Variants in ZBTB41 observed in about 807,000 individuals in gnomAD.
ZBTB41 encodes zinc finger and BTB domain containing 41.
Under a neutral mutation model 87.6 loss-of-function variants are expected in ZBTB41, and 42 were observed. That is an observed-to-expected ratio of 0.48 (90% CI 0.37 to 0.62). The LOEUF is 0.62. Among genes scored for constraint, ZBTB41 ranks in the 20% least tolerant of loss-of-function variants. ZBTB41 has a pLI of 0.00. For missense variants in ZBTB41, 799 were observed against 1,078.9 expected, an observed-to-expected ratio of 0.74 and a Z score of 3.63; for synonymous variants, 364 against 364.0, an observed-to-expected ratio of 1.00 and a Z score of 0.00.
chr1:197,192,986 A>G (rs1238007881), intron 2 of ZBTB41, among the ~76,000 whole-genome samples: 1 of 152,198 alleles, frequency 6.6e-6, no homozygotes, highest in Non-Finnish European at 1.5e-5. Context: ...CCTTAAGGTA[A>G]GGGAAGAATG....
chr1:197,175,775 G>A (rs570632666), intron 8 of ZBTB41, among the ~76,000 whole-genome samples: 13 of 151,784 alleles, frequency 8.6e-5, no homozygotes, highest in Admixed American at 7.2e-4. Flanking sequence ...AAAATAAAAA[G>A]GCATAATTCC....
In ZBTB41 at chr1:197,156,243, A is replaced by G. The variant is rs1420979871; in HGVS notation, c.*3116T>C. 2 of 152,050 alleles carry G rather than the reference A, an allele frequency of 1.3e-5. No individual in the cohort carries two copies. Among genetic ancestry groups the G allele is most frequent in the African/African-American group, 4.8e-5 (2 of 41,378 alleles). The allele number at this position is 152,050 out of a possible 1,614,324, so 9.4% of individuals were successfully genotyped here. ...AAAAATCCATTATTCTAGGACTTCA[A>G]CTGTGCTTCTTTGGACAAATAGTTA... On this transcript the variant is annotated 3_prime_UTR_variant, in exon 11 of 11. Coordinates refer to ENST00000367405, the MANE Select transcript of ZBTB41 (RefSeq NM_194314.3).
In ZBTB41 at chr1:197,159,946, G is replaced by C; in HGVS notation, c.2143C>G (p.Leu715Val). Reference protein sequence around the residue: ...FRIKKTLTKHLVIHSDARPFN... With the variant: ...FRIKKTLTKHVVIHSDARPFN... ...GGTCGGGCATCAGAATGAATAACCA[G>C]GTGTTTTGTTAATGTTTTCTTAATT... Residue 715 changes from leucine (L) to valine (V), a missense_variant, in exon 11 of 11, where the codon CTG (leucine) becomes GTG (valine). Physicochemically the swap from Leu to Val is conservative, Grantham distance 32. Around this residue, in one of 5 missense-constraint regions of ZBTB41, gnomAD observed 198 missense variants for 358.4 expected, o/e 0.55. Coordinates refer to ENST00000367405, the MANE Select transcript of ZBTB41 (RefSeq NM_194314.3). The C allele has an allele frequency of 6.2e-7, 1 of 1,613,658 alleles. No homozygotes were observed. Among genetic ancestry groups the C allele is most frequent in the Non-Finnish European group, 8.5e-7 (1 of 1,179,752 alleles).
chr1:197,180,900 T>C lies in ZBTB41; in HGVS notation c.1676+88A>G, dbSNP rs897355861. 11 of 1,400,098 alleles carry C rather than the reference T, an allele frequency of 7.9e-6. No individual in the cohort carries two copies. In the African/African-American group the frequency reaches 1.3e-4, roughly 17 times the overall value. 86.7% of individuals were successfully genotyped at this position (1,400,098 alleles called of 1,614,324 possible). A position where few individuals can be genotyped will look rare whatever the true frequency, so the allele number is the denominator to read the frequency against. On this transcript the variant is annotated intron_variant, in intron 6 of 10. Transcript: ENST00000367405. ...CACAATTCATGCATTTTGTGTCTTA[T>C]GTTACCCTAATTCCTATAAATCATA...
In ZBTB41 at chr1:197,199,906, A is replaced by T. The variant is rs1660266615; in HGVS notation, c.568T>A (p.Ser190Thr). 6.2e-7 allele frequency: 1 copy of T among 1,612,064 alleles called. No individual in the cohort carries two copies. The highest frequency in any genetic ancestry group is 1.7e-4 in the Middle Eastern group (1 of 6,040). Residue 190 changes from serine to threonine, a missense_variant, in exon 2 of 11, where the codon TCA (serine) becomes ACA (threonine). By Grantham distance (58) the Ser-to-Thr change is moderately conservative. This residue lies in a region of ZBTB41 where 294 missense variants were observed against 340.1 expected (regional missense o/e 0.86). Coordinates refer to ENST00000367405, the MANE Select transcript of ZBTB41 (RefSeq NM_194314.3). Reference protein sequence around the residue: ...APFHSELTEKSSPEETLNELT... With the variant: ...APFHSELTEKTSPEETLNELT... Reference sequence around the variant, plus strand: ...TCATTTAGTGTTTCTTCTGGTGATGACTTTTCAGTTAGCTCTGAATGAAAA... The same window carrying T: ...TCATTTAGTGTTTCTTCTGGTGATGTCTTTTCAGTTAGCTCTGAATGAAAA...
Position 197,193,759 on chromosome 1 carries a change from C to T in ZBTB41, c.1121-1860G>A, listed in dbSNP as rs145237078. Among the ~76,000 whole-genome samples, 206 of 152,314 alleles carry T rather than the reference C, an allele frequency of 1.4e-3. 1 individual carries two copies. Among genetic ancestry groups the T allele is most frequent in the African/African-American group, 4.8e-3 (198 of 41,584 alleles). Reference sequence around the variant, plus strand: ...CCAAATACTGGGAAAAGACAGAGGTCACTATATGGGTTTTTAAGTATTCCC... The same window carrying T: ...CCAAATACTGGGAAAAGACAGAGGTTACTATATGGGTTTTTAAGTATTCCC... On this transcript the variant is annotated intron_variant, in intron 2 of 10. Coordinates refer to ENST00000367405, the MANE Select transcript of ZBTB41 (RefSeq NM_194314.3).
chr1:197,172,268 TGAG>T lies in ZBTB41; in HGVS notation c.1986-23_1986-21del. On this transcript the variant is annotated intron_variant, in intron 9 of 10. Transcript: ENST00000367405. The stretch of plus-strand genomic sequence containing the variant: ...TTATATCTAAGAAAATAAAAAGATT[TGAG>T]TTTTTCAATATAATTTTAATAACTA... The T allele has an allele frequency of 1.0e-6, 1 of 996,758 alleles. No individual in the cohort carries two copies. Among genetic ancestry groups the T allele is most frequent in the Non-Finnish European group, 1.4e-6 (1 of 736,300 alleles). 61.7% of individuals were successfully genotyped at this position (996,758 alleles called of 1,614,324 possible).
At position 197,159,156 on chromosome 1, in the gene ZBTB41, T is replaced by C; in HGVS notation, c.*203A>G. Reference sequence around the variant, plus strand: ...ATAATCTTTAAAAATCACAAAAATGTGCACTTCAAATATTATGCCAGAAAT... The same window carrying C: ...ATAATCTTTAAAAATCACAAAAATGCGCACTTCAAATATTATGCCAGAAAT... On this transcript the variant is annotated 3_prime_UTR_variant, in exon 11 of 11. Transcript: ENST00000367405. 1 of 525,924 alleles carries C rather than the reference T, an allele frequency of 1.9e-6. No homozygotes were observed. The allele number at this position is 525,924 out of a possible 1,614,324, so 32.6% of individuals were successfully genotyped here.
chr1:197,163,878 G>GA (rs1180263282), intron 10 of ZBTB41, among the ~76,000 whole-genome samples: 2 of 151,466 alleles, frequency 1.3e-5, no homozygotes, highest in Admixed American at 6.6e-5. Flanking sequence ...TCTACAGTCA[G>GA]AAAAAAAATT....
At chr1:197,177,200 T>A (rs190308377) in intron 7 of ZBTB41, among the ~76,000 whole-genome samples, 1 of 152,128 alleles carries the variant, frequency 6.6e-6, no homozygotes. Flanking sequence ...GGCAGGTAAC[T>A]GGATCATGGG....
Position 197,199,723 on chromosome 1 carries a change from T to C in ZBTB41, c.751A>G (p.Arg251Gly), listed in dbSNP as rs1443192606. 4 of 1,613,528 alleles carry C rather than the reference T, an allele frequency of 2.5e-6. No homozygotes were observed. Among genetic ancestry groups the C allele is most frequent in the African/African-American group, 2.7e-5 (2 of 74,886 alleles). ...CACTTCCGATTCCTTTTTGATCTTC[T>C]TGCGGAGAAACTTCTCTCCAGCATT... ...LKMLERSFSARRSKRNRKCPV... is the reference protein window; with the variant it reads ...LKMLERSFSAGRSKRNRKCPV... Residue 251 changes from arginine to glycine, a missense_variant, in exon 2 of 11, where the codon AGA becomes GGA. Physicochemically the swap from Arg to Gly is moderately radical, Grantham distance 125. Around this residue, in one of 5 missense-constraint regions of ZBTB41, gnomAD observed 294 missense variants for 340.1 expected, o/e 0.86. Coordinates refer to ENST00000367405, the MANE Select transcript of ZBTB41 (RefSeq NM_194314.3).
chr1:197,181,354 A>C (rs575098818), intron 5 of ZBTB41, among the ~76,000 whole-genome samples: 68 of 152,294 alleles, frequency 4.5e-4, no homozygotes, highest in African/African-American at 1.6e-3. Context: ...GAGTTAACAA[A>C]TTGAAATGGC....
intron 10 of ZBTB41, among the ~76,000 whole-genome samples, chr1:197,162,968 T>A (rs901861324): frequency 6.6e-5 from 10 of 152,104 alleles, no homozygotes; most frequent in African/African-American, 1.9e-4. Flanking sequence ...AAAAGAAACA[T>A]TTGCTGGGTG....
rs529442118 is a variant in ZBTB41 at position 197,158,642 on chromosome 1, A to G, written c.*717T>C. ...ACACATTTTCAGTTTGTATAATTTA[A>G]TGCCCAGACCTATGTTTGCCTTTCT... On this transcript the variant is annotated 3_prime_UTR_variant, in exon 11 of 11. Coordinates refer to ENST00000367405, the MANE Select transcript of ZBTB41 (RefSeq NM_194314.3). 1 of 152,182 alleles carries G rather than the reference A, an allele frequency of 6.6e-6. No individual in the cohort carries two copies. Among genetic ancestry groups the G allele is most frequent in the East Asian group, 1.9e-4 (1 of 5,188 alleles). 9.4% of individuals were successfully genotyped at this position (152,182 alleles called of 1,614,324 possible). A position where few individuals can be genotyped will look rare whatever the true frequency, so the allele number is the denominator to read the frequency against.
chr1:197,175,178 C>A, intron 8 of ZBTB41, 63 bp from the exon 9 acceptor site: 1 of 1,333,066 alleles, frequency 7.5e-7, no homozygotes, highest in Non-Finnish European at 1.1e-6. Context: ...TCCCCAGAAA[C>A]AAACTATCAA....
In ZBTB41 at chr1:197,191,764, T is replaced by G. The variant is rs1285042394; in HGVS notation, c.1256A>C (p.Lys419Thr). The G allele has an allele frequency of 6.2e-7, 1 of 1,613,754 alleles. No homozygotes were observed. The highest frequency in any genetic ancestry group is 1.7e-5 in the Admixed American group (1 of 59,984). The part of the protein sequence containing the change: ...KKHSNETEFH[K>T]KEHKCPYCNK... ...ACAATAAGGGCACTTGTGCTCCTTC[T>G]TATGAAATTCTGTTTCATTACTGTG... The change falls in exon 3 of 11, where the codon AAG becomes ACG. Residue 419 changes from lysine (K) to threonine (T), a missense_variant. This residue lies in a region of ZBTB41 where 294 missense variants were observed against 340.1 expected (regional missense o/e 0.86). Transcript: ENST00000367405.
chr1:197,154,014 A>C lies in ZBTB41; in HGVS notation c.*5345T>G, dbSNP rs889450244. ...GTAAATCCCCATAATCAAAACATTT[A>C]CTACACAATGTGGAACAGCTAAATG... On this transcript the variant is annotated 3_prime_UTR_variant, in exon 11 of 11. Transcript: ENST00000367405. The C allele has an allele frequency of 2.6e-5, 4 of 152,612 alleles. No individual in the cohort carries two copies. Among genetic ancestry groups the C allele is most frequent in the African/African-American group, 9.6e-5 (4 of 41,460 alleles). The allele number at this position is 152,612 out of a possible 1,614,324, so 9.5% of individuals were successfully genotyped here.
intron 3 of ZBTB41, 77 bp downstream of exon 3, chr1:197,191,615 A>C: frequency 8.5e-7 from 1 of 1,178,292 alleles, no homozygotes; most frequent in Non-Finnish European, 1.2e-6. Flanking sequence ...TAAGCACTTT[A>C]TAGATGTTTT....
At chr1:197,176,003 C>G (rs955764277) in intron 8 of ZBTB41, 1 of 152,082 alleles carries the variant, frequency 6.6e-6, no homozygotes, top group Non-Finnish European at 1.5e-5. Context: ...TTAGCACTTC[C>G]TGAACATCAA....
Sources: allele counts gnomAD v4.1 joint callset (sites outside exome capture counted in the v4.1 genomes callset), GRCh38; gene constraint gnomAD v4.1.1; regional missense constraint gnomAD v4.1.1; transcripts MANE v1.5; gene names NCBI Gene and HGNC (gene_info 2026-07-23, HGNC 2026-07-21).